DLC1: variants seen among roughly 807,000 people sequenced by gnomAD.
DLC1 encodes DLC1 Rho GTPase activating protein, also known as rho GTPase-activating protein 7.
Under a neutral mutation model 140.3 loss-of-function variants are expected in DLC1, and 54 were observed. That is an observed-to-expected ratio of 0.38 (90% CI 0.31 to 0.48). The LOEUF (loss-of-function observed/expected upper bound fraction) is 0.48, where lower values mean the gene tolerates loss of function less well. Among genes scored for constraint, DLC1 ranks in the 20% least tolerant of loss-of-function variants. The pLI is 0.96. For synonymous variants in DLC1, 986 were observed against 728.1 expected (o/e 1.35, Z -5.70); for missense variants, 2,536 against 1,907.0 (o/e 1.33, Z -6.14).
intron 5 of DLC1, among the ~76,000 whole-genome samples, chr8:13,139,288 C>CAAAA (rs67684524): frequency 1.2e-3 from 61 of 49,268 alleles, no homozygotes; most frequent in East Asian, 2.3e-3. Flanking sequence ...GACCCTGTCT[C>CAAAA]AAAAAAAAAA....
intron 4 of DLC1, among the ~76,000 whole-genome samples, chr8:13,388,487 A>T (rs151227899): frequency 2.0e-5 from 3 of 152,168 alleles, no homozygotes; most frequent in Middle Eastern, 3.4e-3. Context: ...AGTTTTATAC[A>T]TAATTAATAA....
chr8:13,450,362 C>T (rs950634191), intron 2 of DLC1, among the ~76,000 whole-genome samples: 11 of 140,958 alleles, frequency 7.8e-5, no homozygotes, highest in East Asian at 2.2e-4. Flanking sequence ...AGCTGAGGCA[C>T]GAGAATCACT....
chr8:13,559,738 A>T (rs1804176158), intron 1 of DLC1, among the ~76,000 whole-genome samples: 1 of 152,198 alleles, frequency 6.6e-6, no homozygotes, highest in South Asian at 2.1e-4. Flanking sequence ...CTTCTACCCA[A>T]GGAAAACACA....
At chr8:13,428,397 A>C (rs1838697895) in intron 2 of DLC1, among the ~76,000 whole-genome samples, 1 of 152,204 alleles carries the variant, frequency 6.6e-6, no homozygotes, top group African/African-American at 2.4e-5. Flanking sequence ...ATCAATTTTC[A>C]AAAATTCTGT....
chr8:13,260,334 G>A (rs1830425734), intron 5 of DLC1, among the ~76,000 whole-genome samples: 1 of 152,198 alleles, frequency 6.6e-6, no homozygotes, highest in African/African-American at 2.4e-5. Context: ...GGCAGTTTGT[G>A]CCTTCACAGT....
At chr8:13,267,015 G>A (rs1258663391) in intron 5 of DLC1, among the ~76,000 whole-genome samples, 2 of 152,120 alleles carry the variant, frequency 1.3e-5, no homozygotes, top group Admixed American at 1.3e-4. Flanking sequence ...GTCCAGCCAC[G>A]AGCTACACAT....
intron 1 of DLC1, among the ~76,000 whole-genome samples, chr8:13,592,949 T>A (rs1227393760): frequency 6.6e-6 from 1 of 152,170 alleles, no homozygotes; most frequent in Non-Finnish European, 1.5e-5. Context: ...CACACCCTTA[T>A]GTCCCTCTTT....
At chr8:13,342,040 C>A (rs1018982541) in intron 4 of DLC1, 1 of 152,088 alleles carries the variant, frequency 6.6e-6, no homozygotes, top group African/African-American at 2.4e-5. Context: ...TACATTTGGC[C>A]AGTGTGAATT....
At chr8:13,577,663 T>C (rs1470725084) in intron 1 of DLC1, among the ~76,000 whole-genome samples, 1 of 152,240 alleles carries the variant, frequency 6.6e-6, no homozygotes, top group Non-Finnish European at 1.5e-5. Context: ...ATTATACGAA[T>C]AAATTTTTCA....
intron 4 of DLC1, among the ~76,000 whole-genome samples, chr8:13,329,463 C>G (rs964758412): frequency 3.9e-5 from 6 of 152,016 alleles, no homozygotes; most frequent in East Asian, 1.9e-4. Flanking sequence ...CTGGTTTAAC[C>G]CCAGTCATCA....
chr8:13,525,061 A>C (rs1224568490), intron 1 of DLC1, among the ~76,000 whole-genome samples: 1 of 152,112 alleles, frequency 6.6e-6, no homozygotes, highest in Non-Finnish European at 1.5e-5. Flanking sequence ...GATTGGTTTA[A>C]ATTTTCTAGA....
intron 5 of DLC1, among the ~76,000 whole-genome samples, chr8:13,179,664 TGAG>T (rs1205265023): frequency 7.9e-5 from 12 of 151,972 alleles, no homozygotes; most frequent in Non-Finnish European, 1.6e-4. Flanking sequence ...GCGGCCACAG[TGAG>T]CACTGATTAT....
chr8:13,109,044 T>C (rs1412883363), intron 7 of DLC1, among the ~76,000 whole-genome samples: 2 of 152,194 alleles, frequency 1.3e-5, no homozygotes, highest in African/African-American at 4.8e-5. Flanking sequence ...AAGAGGACTG[T>C]TTGTTTTTTC....
chr8:13,192,548 C>G (rs112221729), intron 5 of DLC1, among the ~76,000 whole-genome samples: 7 of 152,276 alleles, frequency 4.6e-5, no homozygotes, highest in African/African-American at 1.7e-4. Flanking sequence ...AATCCTCACA[C>G]TCACAGCAAC....
chr8:13,115,490 C>A (rs1044069941), intron 6 of DLC1, 96 bp downstream of exon 6: 1 of 1,163,054 alleles, frequency 8.6e-7, no homozygotes, highest in South Asian at 1.6e-5. Context: ...AACATTTAAA[C>A]GATAAAACTG....
At chr8:13,415,060 C>T (rs1456111164) in intron 2 of DLC1, among the ~76,000 whole-genome samples, 2 of 152,102 alleles carry the variant, frequency 1.3e-5, no homozygotes, top group Admixed American at 6.5e-5. Flanking sequence ...GATTTGCCCA[C>T]CTTGGCCTCC....
intron 5 of DLC1, among the ~76,000 whole-genome samples, chr8:13,188,689 C>T (rs1281024578): frequency 1.4e-5 from 2 of 140,548 alleles, no homozygotes; most frequent in African/African-American, 5.3e-5. Context: ...ACTGCAACTT[C>T]GTCCAACTGG....
chr8:13,312,136 C>T (rs1262317081), intron 4 of DLC1, among the ~76,000 whole-genome samples: 12 of 129,534 alleles, frequency 9.3e-5, no homozygotes, highest in South Asian at 2.8e-4. Context: ...CCGAGGCGGG[C>T]GGATCACGAG....
intron 1 of DLC1, among the ~76,000 whole-genome samples, chr8:13,545,824 G>A (rs1803632586): frequency 1.3e-5 from 2 of 151,986 alleles, no homozygotes; most frequent in South Asian, 4.1e-4. Context: ...ATATCATTAT[G>A]GATAGCAATT....
Sources: gnomAD v4.1 joint callset for allele counts (sites outside exome capture counted in the v4.1 genomes callset) on GRCh38, gnomAD v4.1.1 for gene constraint, MANE v1.5 for transcripts, NCBI Gene and HGNC (gene_info 2026-07-23, HGNC 2026-07-21) for gene names.